Variants in PFDN1 observed in about 807,000 individuals in gnomAD.
PFDN1 encodes the protein prefoldin subunit 1.
PFDN1 carries 6 observed loss-of-function variants against 17.3 expected under a neutral mutation model. The ratio of observed to expected loss-of-function variants is 0.35; its 90% CI spans 0.19 to 0.69. PFDN1 has a LOEUF of 0.69. Ranked by LOEUF, PFDN1 falls within the 30% of genes least tolerant of loss-of-function variation. The pLI, the probability that PFDN1 is intolerant of heterozygous loss-of-function variation, is 0.65. For synonymous variants in PFDN1, 58 were observed against 50.1 expected (o/e 1.16, Z -0.67); for missense variants, 113 against 146.2 (o/e 0.77, Z 1.17).
At chr5:140,284,565 T>G (rs553966134) in intron 2 of PFDN1, among the ~76,000 whole-genome samples, 1 of 152,358 alleles carries the variant, frequency 6.6e-6, no homozygotes, top group African/African-American at 2.4e-5. Context: ...GCAAATATTA[T>G]GTACACAGTT....
intron 3 of PFDN1, among the ~76,000 whole-genome samples, chr5:140,262,290 T>A (rs767401499): frequency 3.9e-5 from 6 of 152,132 alleles, no homozygotes; most frequent in Non-Finnish European, 7.4e-5. Flanking sequence ...AACTACAGCA[T>A]AAGGAATCCC....
Position 140,281,470 on chromosome 5 carries a change from T to G in PFDN1, c.264A>C (p.Glu88Asp), listed in dbSNP as rs1330116452. The G allele has an allele frequency of 8.3e-6, 13 of 1,557,214 alleles. No individual in the cohort carries two copies. The highest frequency in any genetic ancestry group is 1.1e-5 in the Non-Finnish European group (12 of 1,129,162). Residue 88 changes from glutamate (E) to aspartate (D), a missense_variant, in exon 3 of 4, where the codon GAA (glutamate) becomes GAC (aspartate). Glu to Asp is a conservative substitution (Grantham distance 45, BLOSUM62 2). Coordinates refer to ENST00000261813, the MANE Select transcript of PFDN1 (RefSeq NM_002622.5). ...TTACTTCTAGTTCTTTAATTTTTTCTTCTGCTATTTTCTGCTTCTCTAACA... is the reference window on the plus strand; with the variant it reads ...TTACTTCTAGTTCTTTAATTTTTTCGTCTGCTATTTTCTGCTTCTCTAACA... ...SQLLEKQKIA[E>D]EKIKELEQKK...
At chr5:140,283,885 A>G (rs1765447540) in intron 2 of PFDN1, among the ~76,000 whole-genome samples, 1 of 152,224 alleles carries the variant, frequency 6.6e-6, no homozygotes, top group African/African-American at 2.4e-5. Context: ...TTACTGAGAA[A>G]GTCTTTTAGC....
At chr5:140,279,372 C>T (rs115829530) in intron 3 of PFDN1, among the ~76,000 whole-genome samples, 1,930 of 152,146 alleles carry the variant, frequency 0.013, 57 homozygotes, top group African/African-American at 0.044. Context: ...AAACATTCTA[C>T]CAGTATTTGA....
intron 1 of PFDN1, 108 bp from the exon 2 acceptor site, chr5:140,300,690 G>A (rs1765731189): frequency 1.5e-6 from 1 of 682,694 alleles, no homozygotes; most frequent in Non-Finnish European, 2.4e-6. Flanking sequence ...ACAAAGCTGT[G>A]AAATTTACCA....
At chr5:140,292,965 A>C (rs1273269871) in intron 2 of PFDN1, 1 of 152,108 alleles carries the variant, frequency 6.6e-6, no homozygotes, top group Admixed American at 6.5e-5. Flanking sequence ...GTTCCTTGAC[A>C]TGAACATTTC....
chr5:140,279,995 C>CAAAAAAAAAAAAAAAA (rs772575762), intron 3 of PFDN1, among the ~76,000 whole-genome samples: 40 of 31,222 alleles, frequency 1.3e-3, no homozygotes, highest in Non-Finnish European at 1.5e-3. Flanking sequence ...AACTCCGTCT[C>CAAAAAAAAAAAAAAAA]AAAAAAAAAA....
At chr5:140,282,456 A>C (rs1018214147) in intron 2 of PFDN1, among the ~76,000 whole-genome samples, 1 of 150,352 alleles carries the variant, frequency 6.7e-6, no homozygotes, top group Non-Finnish European at 1.5e-5. Context: ...TAAAGTCACA[A>C]TCAAGCACTG....
rs75433783 is a variant in PFDN1, at chr5:140,297,896, T to C, written c.200+2520A>G. Among the ~76,000 whole-genome samples, 296 of 152,318 alleles carry C rather than the reference T, an allele frequency of 1.9e-3. 5 individuals carry two copies. Among genetic ancestry groups the C allele is most frequent in the East Asian group, 0.018 (91 of 5,188 alleles). ...TTTTGAAAAAGGAATTCTTTAGCTATTGCAAACAAAGGCTAGCGCAGTGAT... is the reference window on the plus strand; with the variant it reads ...TTTTGAAAAAGGAATTCTTTAGCTACTGCAAACAAAGGCTAGCGCAGTGAT... On this transcript the variant is annotated intron_variant, in intron 2 of 3. Coordinates refer to ENST00000261813, the MANE Select transcript of PFDN1 (RefSeq NM_002622.5).
rs1764807382 is a variant in PFDN1, at chr5:140,245,044, C to T, written c.*930G>A. ...TCACAGTCAGTGCACAGATAGAGCA[C>T]AGATCGTGGTCAAATGTAGTAATTA... is the stretch of plus-strand genomic sequence containing the variant. On this transcript the variant is annotated 3_prime_UTR_variant, in exon 4 of 4. Transcript: ENST00000261813. 1 of 193,910 alleles carries T rather than the reference C, an allele frequency of 5.2e-6. No homozygotes were observed. The highest frequency in any genetic ancestry group is 1.1e-5 in the Non-Finnish European group (1 of 92,964). 12.0% of individuals were successfully genotyped at this position (193,910 alleles called of 1,614,324 possible).
chr5:140,279,983 G>A (rs1346938546), intron 3 of PFDN1, among the ~76,000 whole-genome samples: 10 of 39,846 alleles, frequency 2.5e-4, no homozygotes, highest in East Asian at 1.2e-3. Context: ...CAACAAGAGC[G>A]AAACTCCGTC....
At chr5:140,274,691 G>A (rs1171458737) in intron 3 of PFDN1, among the ~76,000 whole-genome samples, 1 of 152,102 alleles carries the variant, frequency 6.6e-6, no homozygotes, top group Non-Finnish European at 1.5e-5. Flanking sequence ...ATGGCCTGAA[G>A]AACAGTCTAA....
intron 3 of PFDN1, among the ~76,000 whole-genome samples, chr5:140,252,881 C>T (rs1338207784): frequency 1.3e-5 from 2 of 152,214 alleles, no homozygotes; most frequent in Non-Finnish European, 2.9e-5. Context: ...CCCTGAGCCG[C>T]CAGCCTGGAT....
intron 2 of PFDN1, among the ~76,000 whole-genome samples, chr5:140,286,281 G>A (rs1005789388): frequency 9.3e-5 from 14 of 150,908 alleles, no homozygotes; most frequent in Non-Finnish European, 1.5e-4. Context: ...GTGTGGTGGC[G>A]GGTGCCTGTA....
At chr5:140,280,017 A>AAAAAGAAAAG (rs1463540470) in intron 3 of PFDN1, among the ~76,000 whole-genome samples, 1 of 145,522 alleles carries the variant, frequency 6.9e-6, no homozygotes, top group South Asian at 2.2e-4. Context: ...AAAAAAACAA[A>AAAAAGAAAAG]AAAAGAAAAG....
intron 3 of PFDN1, 54 bp downstream of exon 3, chr5:140,281,395 A>G (rs1376408701): frequency 6.5e-6 from 5 of 774,444 alleles, no homozygotes; most frequent in East Asian, 2.5e-5. Context: ...ATATGACACA[A>G]TAAGATTACT....
chr5:140,302,225 A>C (rs910322689), intron 1 of PFDN1, among the ~76,000 whole-genome samples: 5 of 152,208 alleles, frequency 3.3e-5, no homozygotes, highest in African/African-American at 1.2e-4. Context: ...TTCCTTTTCC[A>C]GAAAAGTAGA....
chr5:140,296,881 T>C (rs193297844), intron 2 of PFDN1, among the ~76,000 whole-genome samples: 2 of 152,232 alleles, frequency 1.3e-5, no homozygotes, highest in African/African-American at 4.8e-5. Context: ...AAAAAGAAAG[T>C]GGTGGGACTT....
intron 3 of PFDN1, among the ~76,000 whole-genome samples, chr5:140,275,483 G>A (rs1013999882): frequency 1.3e-5 from 2 of 151,814 alleles, no homozygotes; most frequent in African/African-American, 4.8e-5. Flanking sequence ...AGATTAACAT[G>A]AGGGCAAGTA....
Sources: allele counts gnomAD v4.1 joint callset (sites outside exome capture counted in the v4.1 genomes callset), GRCh38; gene constraint gnomAD v4.1.1; transcripts MANE v1.5; gene names NCBI Gene and HGNC (gene_info 2026-07-23, HGNC 2026-07-21).